NRG3: variants seen among roughly 807,000 people sequenced by gnomAD.
NRG3 encodes pro-neuregulin-3, membrane-bound isoform.
NRG3 carries 31 observed loss-of-function variants against 66.9 expected under a neutral mutation model. That is an observed-to-expected ratio of 0.46 (90% CI 0.35 to 0.63). The LOEUF is 0.63. NRG3 is among the 20% of genes least tolerant of loss of function. The pLI is 0.00. For synonymous variants in NRG3, 393 were observed against 359.4 expected (o/e 1.09, Z -1.06); for missense variants, 910 against 878.9 (o/e 1.04, Z -0.45).
intron 1 of NRG3, among the ~76,000 whole-genome samples, chr10:82,057,489 T>C (rs1036509830): frequency 7.9e-5 from 12 of 152,194 alleles, no homozygotes; most frequent in Admixed American, 2.0e-4. Flanking sequence ...TTAAATTCTT[T>C]TGATCTTTGA....
At chr10:82,225,994 T>A (rs961020854) in intron 1 of NRG3, among the ~76,000 whole-genome samples, 8 of 152,152 alleles carry the variant, frequency 5.3e-5, no homozygotes, top group Non-Finnish European at 1.0e-4. Context: ...TTTTTTATTG[T>A]TGTTTGTTCC....
Position 82,816,738 on chromosome 10 carries a change from G to C in NRG3, c.1028-48673G>C, listed in dbSNP as rs571636956. ...GCAGGCCCACACTGAGCCACCCTCA[G>C]CAGCCCCAACTCAGAAGGAGGTGGG... On this transcript the variant is annotated intron_variant, in intron 3 of 8. Coordinates refer to ENST00000372141, the MANE Select transcript of NRG3 (RefSeq NM_001010848.4). Among the ~76,000 whole-genome samples the C allele has an allele frequency of 6.6e-5, 10 of 152,258 alleles. No homozygotes were observed. In the East Asian group the frequency reaches 9.7e-4, roughly 15 times the overall value.
chr10:82,495,452 A>G (rs1439997144), intron 2 of NRG3, among the ~76,000 whole-genome samples: 1 of 151,300 alleles, frequency 6.6e-6, no homozygotes, highest in Non-Finnish European at 1.5e-5. Flanking sequence ...TCCCTTTCCC[A>G]TGCATTTCTC....
intron 1 of NRG3, among the ~76,000 whole-genome samples, chr10:82,028,388 G>A (rs1282017848): frequency 6.6e-6 from 1 of 152,056 alleles, no homozygotes; most frequent in African/African-American, 2.4e-5. Context: ...GTTGCCTTCT[G>A]CTCTTCAATA....
chr10:82,110,782 G>T (rs1033728586), intron 1 of NRG3, among the ~76,000 whole-genome samples: 1 of 152,052 alleles, frequency 6.6e-6, no homozygotes, highest in African/African-American at 2.4e-5. Flanking sequence ...CCCAGTGGAG[G>T]TATCAAAAGG....
chr10:82,611,787 A>C (rs2048333223), intron 2 of NRG3, among the ~76,000 whole-genome samples: 1 of 152,106 alleles, frequency 6.6e-6, no homozygotes, highest in African/African-American at 2.4e-5. Context: ...TATACCCAGT[A>C]ATAGGATCAC....
intron 2 of NRG3, among the ~76,000 whole-genome samples, chr10:82,711,256 A>G (rs1251870994): frequency 6.6e-6 from 1 of 151,450 alleles, no homozygotes; most frequent in Non-Finnish European, 1.5e-5. Context: ...TTTATTTTTT[A>G]TTTTTATTTT....
intron 3 of NRG3, among the ~76,000 whole-genome samples, chr10:82,865,196 C>A (rs1046373104): frequency 4.6e-5 from 7 of 152,120 alleles, no homozygotes; most frequent in Non-Finnish European, 7.4e-5. Flanking sequence ...AGCTATAGCT[C>A]AGAGGCTTTG....
At chr10:82,527,954 TG>T (rs1846882279) in intron 2 of NRG3, among the ~76,000 whole-genome samples, 1 of 40,568 alleles carries the variant, frequency 2.5e-5, no homozygotes, top group African/African-American at 9.9e-5. Flanking sequence ...GGGCTGGGGG[TG>T]GGGGTGGGGC....
intron 1 of NRG3, among the ~76,000 whole-genome samples, chr10:82,263,139 TAATA>T (rs1462173342): frequency 6.6e-6 from 1 of 152,206 alleles, no homozygotes; most frequent in Non-Finnish European, 1.5e-5. Context: ...TCTGGGGACT[TAATA>T]AAGCAATTTA....
chr10:82,201,902 G>C (rs1309990205), intron 1 of NRG3, among the ~76,000 whole-genome samples: 1 of 152,046 alleles, frequency 6.6e-6, no homozygotes. Context: ...TTCTGTTGAG[G>C]ATTTAGAGAA....
At chr10:82,640,120 C>A (rs1293635568) in intron 2 of NRG3, among the ~76,000 whole-genome samples, 1 of 152,150 alleles carries the variant, frequency 6.6e-6, no homozygotes, top group Non-Finnish European at 1.5e-5. Context: ...TTGATGGATG[C>A]ATAGCAAATA....
chr10:82,238,912 GTA>G (rs571009239), intron 1 of NRG3, among the ~76,000 whole-genome samples: 12 of 120,720 alleles, frequency 9.9e-5, no homozygotes, highest in Admixed American at 1.7e-4. Context: ...AGGTTATACC[GTA>G]TATATATATA....
intron 2 of NRG3, among the ~76,000 whole-genome samples, chr10:82,362,554 T>G (rs1589854673): frequency 7.0e-6 from 1 of 143,538 alleles, no homozygotes; most frequent in African/African-American, 2.6e-5. Context: ...CTGGGTTTTT[T>G]TTTTTTTTTT....
intron 1 of NRG3, among the ~76,000 whole-genome samples, chr10:82,312,574 TTG>T (rs1169678936): frequency 2.6e-5 from 4 of 152,228 alleles, no homozygotes; most frequent in Non-Finnish European, 5.9e-5. Flanking sequence ...TCACACCAAA[TTG>T]TAAATGTTGG....
chr10:82,631,025 G>A (rs1321752775), intron 2 of NRG3, among the ~76,000 whole-genome samples: 1 of 152,122 alleles, frequency 6.6e-6, no homozygotes, highest in African/African-American at 2.4e-5. Context: ...CTTCAGATGA[G>A]CAAAAACAGT....
chr10:82,659,790 A>G (rs1043297436), intron 2 of NRG3, among the ~76,000 whole-genome samples: 1 of 152,184 alleles, frequency 6.6e-6, no homozygotes, highest in Non-Finnish European at 1.5e-5. Context: ...CAATGCCATC[A>G]ATGCCTCTCA....
chr10:81,975,491 T>C (rs1840351783), intron 1 of NRG3, among the ~76,000 whole-genome samples: 1 of 152,038 alleles, frequency 6.6e-6, no homozygotes, highest in Non-Finnish European at 1.5e-5. Flanking sequence ...GTAAATCACT[T>C]GGGAAGTGAT....
intron 3 of NRG3, among the ~76,000 whole-genome samples, chr10:82,776,932 G>A (rs575720157): frequency 6.6e-6 from 1 of 152,108 alleles, no homozygotes; most frequent in African/African-American, 2.4e-5. Flanking sequence ...TTTATATGGG[G>A]TTAGCTACTG....
Sources: gnomAD v4.1 joint callset for allele counts (sites outside exome capture counted in the v4.1 genomes callset) on GRCh38, gnomAD v4.1.1 for gene constraint, MANE v1.5 for transcripts, NCBI Gene and HGNC (gene_info 2026-07-23, HGNC 2026-07-21) for gene names.